The following PCDHA4 variants were observed in gnomAD, a reference collection of about 807,000 sequenced individuals.
PCDHA4 encodes the protein protocadherin alpha 4, also known as protocadherin alpha-4.
PCDHA4 carries 49 observed loss-of-function variants against 61.4 expected under a neutral mutation model. That is an observed-to-expected ratio of 0.80 (90% CI 0.63 to 1.01). PCDHA4 has a LOEUF of 1.01. Among genes scored for constraint, PCDHA4 ranks in the 50% least tolerant of loss-of-function variants. The pLI, the probability that PCDHA4 is intolerant of heterozygous loss-of-function variation, is 0.00. For synonymous variants in PCDHA4, 590 were observed against 550.3 expected, an observed-to-expected ratio of 1.07 and a Z score of -1.01; for missense variants, 1,254 against 1,235.8, an observed-to-expected ratio of 1.01 and a Z score of -0.22.
At chr5:140,868,198 C>T (rs1220217511) in intron 1 of PCDHA4, 2 of 152,058 alleles carry the variant, frequency 1.3e-5, no homozygotes, top group East Asian at 1.9e-4. Context: ...CTATGGCTTA[C>T]ATTAGAAATA....
chr5:140,834,546 G>A, intron 1 of PCDHA4: 1 of 1,614,062 alleles, frequency 6.2e-7, no homozygotes, highest in Non-Finnish European at 8.5e-7. Context: ...CCTGGGGCTG[G>A]AGCTGGCGGA....
chr5:140,862,554 A>G, intron 1 of PCDHA4: 3 of 464,416 alleles, frequency 6.5e-6, no homozygotes, highest in Non-Finnish European at 1.3e-5. Context: ...GTGGCCGAAC[A>G]GTGAACCACA....
At chr5:140,836,213 G>T in intron 1 of PCDHA4, 4 of 1,613,848 alleles carry the variant, frequency 2.5e-6, no homozygotes, top group Non-Finnish European at 2.5e-6. Flanking sequence ...TTTCGTATGA[G>T]TTGCAACCGG....
intron 1 of PCDHA4, chr5:140,883,380 T>C (rs1554177974): frequency 1.2e-6 from 2 of 1,614,176 alleles, no homozygotes; most frequent in Admixed American, 3.3e-5. Context: ...ATTATTGCCC[T>C]AATCAGTGTG....
chr5:140,966,541 G>A (rs2096018356), intron 1 of PCDHA4: 2 of 462,844 alleles, frequency 4.3e-6, no homozygotes, highest in Admixed American at 4.3e-5. Context: ...TGAGCGACTC[G>A]GAGGCGAGCG....
At chr5:140,926,573 A>C in intron 1 of PCDHA4, 2 of 265,974 alleles carry the variant, frequency 7.5e-6, no homozygotes. Context: ...TACTGGAGAC[A>C]GCACCTCTCG....
rs781902121 is a variant in PCDHA4 at position 140,870,112 on chromosome 5, G to A, written c.2385+60540G>A. The A allele has an allele frequency of 1.2e-6, 2 of 1,613,938 alleles. No individual in the cohort carries two copies. The highest frequency in any genetic ancestry group is 8.5e-7 in the Non-Finnish European group (1 of 1,179,896). ...AATGGCAGGTCACTGTACAGTCTGG[G>A]TGGAAATCTTGGACACCAACGATAA... On this transcript the variant is annotated intron_variant, in intron 1 of 3. Coordinates refer to ENST00000530339, the MANE Select transcript of PCDHA4 (RefSeq NM_018907.4).
At chr5:140,971,892 G>T in intron 1 of PCDHA4, among the ~76,000 whole-genome samples, 1 of 151,812 alleles carries the variant, frequency 6.6e-6, no homozygotes, top group African/African-American at 2.4e-5. Context: ...AGCTCAGGGA[G>T]GTTAGGTAAT....
At chr5:140,816,601 C>T (rs2126673924) in intron 1 of PCDHA4, 1 of 151,696 alleles carries the variant, frequency 6.6e-6, no homozygotes, top group South Asian at 2.1e-4. Flanking sequence ...GTGTTGATAT[C>T]TATACATTTC....
chr5:140,815,310 T>C (rs1765694011), intron 1 of PCDHA4: 1 of 152,170 alleles, frequency 6.6e-6, no homozygotes, highest in South Asian at 2.1e-4. Context: ...TTGAGAATTG[T>C]AATGCTATGT....
chr5:140,983,768 T>G (rs1236827804), intron 3 of PCDHA4, among the ~76,000 whole-genome samples: 2 of 152,196 alleles, frequency 1.3e-5, no homozygotes, highest in African/African-American at 4.8e-5. Context: ...CAAATACATA[T>G]CTACATACAT....
At chr5:140,879,208 A>C (rs546096733) in intron 1 of PCDHA4, among the ~76,000 whole-genome samples, 1 of 152,362 alleles carries the variant, frequency 6.6e-6, no homozygotes, top group East Asian at 1.9e-4. Context: ...ATGGCAGTAG[A>C]AATGAATTGA....
chr5:140,829,995 G>A, intron 1 of PCDHA4: 6 of 1,613,982 alleles, frequency 3.7e-6, no homozygotes, highest in Non-Finnish European at 3.4e-6. Flanking sequence ...AGCACCACTC[G>A]TGTCCTGGAC....
intron 3 of PCDHA4, among the ~76,000 whole-genome samples, chr5:141,006,862 A>G (rs1188678069): frequency 4.6e-5 from 7 of 152,244 alleles, no homozygotes; most frequent in Non-Finnish European, 1.0e-4. Flanking sequence ...TTAGAAAGGA[A>G]TAGATTCGAG....
chr5:141,003,724 A>C (rs575036478), intron 3 of PCDHA4, among the ~76,000 whole-genome samples: 2 of 151,950 alleles, frequency 1.3e-5, no homozygotes, highest in African/African-American at 4.8e-5. Flanking sequence ...CGGCTAATCC[A>C]ATAAAAAAGC....
At chr5:140,884,439 C>T (rs1554181562) in intron 1 of PCDHA4, 1 of 1,613,818 alleles carries the variant, frequency 6.2e-7, no homozygotes, top group Non-Finnish European at 8.5e-7. Flanking sequence ...CTGCGGTGCT[C>T]GGCACCGCCC....
At chr5:140,869,134 A>T (rs781973798) in intron 1 of PCDHA4, 3 of 1,612,182 alleles carry the variant, frequency 1.9e-6, no homozygotes, top group Non-Finnish European at 2.5e-6. Context: ...GGGATTGGGC[A>T]CCCCACGACT....
intron 3 of PCDHA4, among the ~76,000 whole-genome samples, chr5:141,008,053 C>T (rs1554261648): frequency 6.6e-6 from 1 of 152,056 alleles, no homozygotes; most frequent in African/African-American, 2.4e-5. Context: ...AACAGGGGTC[C>T]AGTCCATCTA....
chr5:140,880,891 C>T (rs1475261918), intron 1 of PCDHA4, among the ~76,000 whole-genome samples: 2 of 151,984 alleles, frequency 1.3e-5, no homozygotes, highest in Non-Finnish European at 2.9e-5. Flanking sequence ...AATGTAGGGC[C>T]AGATAGAAAG....
Sources: allele counts gnomAD v4.1 joint callset (sites outside exome capture counted in the v4.1 genomes callset), GRCh38; gene constraint gnomAD v4.1.1; transcripts MANE v1.5; gene names NCBI Gene and HGNC (gene_info 2026-07-23, HGNC 2026-07-21).